Variants in CAPN11 observed in about 807,000 individuals in gnomAD.
The protein encoded by CAPN11 is calpain-11.
CAPN11 carries 108 observed loss-of-function variants against 105.3 expected under a neutral mutation model. The observed-to-expected ratio is 1.03, with a 90% CI of 0.88 to 1.20. The LOEUF (loss-of-function observed/expected upper bound fraction) is 1.20, where lower values mean the gene tolerates loss of function less well. CAPN11 is among the 50% of genes most tolerant of loss of function. The probability of loss-of-function intolerance (pLI) is 0.00; values close to 1 mark genes in which losing one functional copy is unlikely to be tolerated. For missense variants in CAPN11, 883 were observed against 924.8 expected (o/e 0.95, Z 0.59); for synonymous variants, 329 against 344.5 (o/e 0.96, Z 0.50).
intron 7 of CAPN11, 61 bp downstream of exon 7, chr6:44,173,447 G>T: frequency 8.9e-7 from 1 of 1,128,930 alleles, no homozygotes; most frequent in Middle Eastern, 1.9e-4. Flanking sequence ...CACCCAAAAG[G>T]CTCTTCCCCC....
At chr6:44,183,351 A>G in intron 21 of CAPN11, 116 bp downstream of exon 21, 2 of 699,804 alleles carry the variant, frequency 2.9e-6, no homozygotes, top group Non-Finnish European at 2.5e-6. Context: ...GGCACACATG[A>G]AATGGATTCA....
At chr6:44,171,570 G>T (rs1363834447) in intron 4 of CAPN11, among the ~76,000 whole-genome samples, 2 of 152,164 alleles carry the variant, frequency 1.3e-5, no homozygotes, top group African/African-American at 4.8e-5. Flanking sequence ...GCTCATACCT[G>T]TAATCCTAGC....
intron 7 of CAPN11, 37 bp from the exon 8 acceptor site, chr6:44,176,031 A>G (rs1166244211): frequency 6.8e-7 from 1 of 1,472,808 alleles, no homozygotes. Flanking sequence ...CATGCCCTCC[A>G]TGCCCTCCAT....
At chr6:44,159,087 G>C (rs935714809) in intron 1 of CAPN11, among the ~76,000 whole-genome samples, 1 of 152,096 alleles carries the variant, frequency 6.6e-6, no homozygotes. Context: ...AGACTGTTTG[G>C]GGAAGGATAG....
chr6:44,165,187 C>T (rs767108622), intron 1 of CAPN11, among the ~76,000 whole-genome samples: 3 of 152,158 alleles, frequency 2.0e-5, no homozygotes, highest in African/African-American at 7.2e-5. Flanking sequence ...CCATGCTGCC[C>T]CAGGTTTGCA....
chr6:44,183,377 A>C lies in CAPN11; in HGVS notation c.2134+142A>C, dbSNP rs1774110312. The C allele has an allele frequency of 6.3e-6, 4 of 639,550 alleles. No homozygotes were observed. The East Asian group carries it at 1.1e-4, about 17-fold the overall frequency. The allele number at this position is 639,550 out of a possible 1,614,324, so 39.6% of individuals were successfully genotyped here. ...AATGGATTCAAAGCCCAGCTCCGCCACTTGCTGGCAGAGGTGACTTGAGCA... is the reference window on the plus strand; with the variant it reads ...AATGGATTCAAAGCCCAGCTCCGCCCCTTGCTGGCAGAGGTGACTTGAGCA... On this transcript the variant is annotated intron_variant, in intron 21 of 22. Transcript: ENST00000398776.
chr6:44,181,111 G>A (rs1773062997), intron 18 of CAPN11, 114 bp downstream of exon 18: 2 of 1,227,364 alleles, frequency 1.6e-6, no homozygotes, highest in East Asian at 4.6e-5. Context: ...AGGCTCTGGG[G>A]TAGCAGAAGA....
intron 2 of CAPN11, 37 bp downstream of exon 2, chr6:44,166,866 CT>C: frequency 2.9e-6 from 4 of 1,374,932 alleles, no homozygotes; most frequent in Non-Finnish European, 4.0e-6. Flanking sequence ...TGTGGCCTCC[CT>C]TTTTCTTCCT....
In CAPN11 at chr6:44,183,109, CCTCT is replaced by C. The variant is rs1561856603; in HGVS notation, c.2018-6_2018-3del. On this transcript the variant is annotated splice_region_variant and splice_polypyrimidine_tract_variant and intron_variant, in intron 20 of 22. Coordinates refer to ENST00000398776, the MANE Select transcript of CAPN11 (RefSeq NM_007058.4). ...CTTTTCCCCTCCCCACTTCTCTCTC[CCTCT>C]CTCAGGCATCAAGCTGAACAACAAG... 1 of 1,606,878 alleles carries C rather than the reference CCTCT, an allele frequency of 6.2e-7. No homozygotes were observed. The highest frequency in any genetic ancestry group is 8.5e-7 in the Non-Finnish European group (1 of 1,173,802).
At chr6:44,174,861 C>T (rs1294739667) in intron 7 of CAPN11, among the ~76,000 whole-genome samples, 4 of 152,128 alleles carry the variant, frequency 2.6e-5, no homozygotes, top group Non-Finnish European at 5.9e-5. Context: ...CTCAGGTGAT[C>T]CGCCTGCCTT....
At chr6:44,166,281 G>A (rs957118725) in intron 1 of CAPN11, among the ~76,000 whole-genome samples, 3 of 152,172 alleles carry the variant, frequency 2.0e-5, no homozygotes, top group African/African-American at 7.2e-5. Flanking sequence ...CCCTTCAGGA[G>A]GCTCAGCATA....
chr6:44,181,418 A>ACACACACACACACCCAACCACACCACACG, intron 19 of CAPN11, 98 bp downstream of exon 19: 1 of 90,370 alleles, frequency 1.1e-5, no homozygotes, highest in Non-Finnish European at 2.0e-5. Context: ...AGCCCTAACC[A>ACACACACACACACCCAACCACACCACACG]CACACACACA....
chr6:44,181,524 AACCACAC>A (rs1211213483), intron 19 of CAPN11, among the ~76,000 whole-genome samples: 6 of 127,384 alleles, frequency 4.7e-5, no homozygotes, highest in East Asian at 2.5e-4. Flanking sequence ...ATACAGACAC[AACCACAC>A]CACACTCACA....
At chr6:44,174,113 A>G (rs2128304926) in intron 7 of CAPN11, among the ~76,000 whole-genome samples, 1 of 152,268 alleles carries the variant, frequency 6.6e-6, no homozygotes, top group Non-Finnish European at 1.5e-5. Flanking sequence ...AAAATACATG[A>G]ACCCAGGGTG....
chr6:44,162,780 CT>C (rs1167768384), intron 1 of CAPN11, among the ~76,000 whole-genome samples: 3 of 152,196 alleles, frequency 2.0e-5, no homozygotes, highest in Admixed American at 2.0e-4. Flanking sequence ...ATGGGAGGGT[CT>C]TCTCCACGCT....
chr6:44,176,305 G>A lies in CAPN11; in HGVS notation c.968G>A (p.Gly323Asp), dbSNP rs563637491. The A allele has an allele frequency of 3.2e-5, 52 of 1,613,904 alleles. No homozygotes were observed. In the Middle Eastern group the frequency reaches 4.9e-4, roughly 15 times the overall value. The change falls in exon 9 of 23, where the codon GGC (glycine) becomes GAC (aspartate). Residue 323 changes from glycine (G) to aspartate (D), a missense_variant. Transcript: ENST00000398776. ...CTGATTCGGGTCCGGAATCCCTGGG[G>A]CCGGATTGAGTGGAATGGAGCTTGG... ...ETLIRVRNPW[G>D]RIEWNGAWSD... is the part of the protein sequence containing the mutation.
chr6:44,179,996 G>A lies in CAPN11; in HGVS notation c.1473G>A (p.Thr491=), dbSNP rs1265753863. 6 of 1,613,652 alleles carry A rather than the reference G, an allele frequency of 3.7e-6. No homozygotes were observed. The highest frequency in any genetic ancestry group is 2.2e-5 in the East Asian group (1 of 44,894). Reference sequence around the variant, plus strand: ...TCCACTTGAAGAAGGAATTCTTCACGAAGTATCAGGACCACGGCTTCTCAG... The same window carrying A: ...TCCACTTGAAGAAGGAATTCTTCACAAAGTATCAGGACCACGGCTTCTCAG... ...QDVHLKKEFF[T]KYQDHGFSEI... The change falls in exon 14 of 23, where the codon ACG becomes ACA. Residue 491 remains threonine (T), a synonymous_variant. Transcript: ENST00000398776.
intron 8 of CAPN11, 51 bp downstream of exon 8, chr6:44,176,202 A>ACGTCTCCCTGACCGGAGGAGAC: frequency 6.2e-7 from 1 of 1,606,716 alleles, no homozygotes; most frequent in Non-Finnish European, 8.5e-7. Context: ...AAGGAGGAGA[A>ACGTCTCCCTGACCGGAGGAGAC]CGTCTCCCTG....
At chr6:44,178,010 C>T (rs569196907) in intron 12 of CAPN11, among the ~76,000 whole-genome samples, 8 of 152,116 alleles carry the variant, frequency 5.3e-5, no homozygotes, top group Non-Finnish European at 1.0e-4. Context: ...GGCAATTGTC[C>T]TGCTAGTTTT....
Sources: gnomAD v4.1 joint callset for allele counts (sites outside exome capture counted in the v4.1 genomes callset) on GRCh38, gnomAD v4.1.1 for gene constraint, MANE v1.5 for transcripts, NCBI Gene and HGNC (gene_info 2026-07-23, HGNC 2026-07-21) for gene names.